Variants in MUC7 observed in about 807,000 individuals in gnomAD.
The protein encoded by MUC7 is mucin-7.
In MUC7, 2 loss-of-function variants were observed where a neutral mutation model predicts 2.5. The ratio of observed to expected loss-of-function variants is 0.81; its 90% CI spans 0.33 to 2.55. MUC7 has a LOEUF of 2.55. Among genes scored for constraint, MUC7 ranks in the 30% most tolerant of loss-of-function variants. MUC7 has a pLI of 0.11. For synonymous variants in MUC7, 133 were observed against 173.4 expected, an observed-to-expected ratio of 0.77 and a Z score of 1.83; for missense variants, 408 against 455.6, an observed-to-expected ratio of 0.90 and a Z score of 0.95.
At position 70,474,018 on chromosome 4, in the gene MUC7, A is replaced by G. The variant is rs1560557396; in HGVS notation, c.-4A>G. 6.2e-7 allele frequency: 1 copy of G among 1,612,122 alleles called. No homozygotes were observed. The highest frequency in any genetic ancestry group is 8.5e-7 in the Non-Finnish European group (1 of 1,178,714). On this transcript the variant is annotated 5_prime_UTR_variant, in exon 2 of 3. Coordinates refer to ENST00000304887, the MANE Select transcript of MUC7 (RefSeq NM_152291.3). ...TCTGCTTTTCCCAGGAGACATCAGA[A>G]AGAATGAAAACTCTGCCGCTGTTTG...
intron 1 of MUC7, among the ~76,000 whole-genome samples, chr4:70,464,353 GT>G (rs1269425201): frequency 2.0e-5 from 3 of 152,236 alleles, no homozygotes; most frequent in East Asian, 3.9e-4. Flanking sequence ...AGCTGCAGAA[GT>G]TTTTTTCATA....
At chr4:70,475,382 G>A (rs192111797) in intron 2 of MUC7, among the ~76,000 whole-genome samples, 2 of 152,204 alleles carry the variant, frequency 1.3e-5, no homozygotes, top group African/African-American at 4.8e-5. Flanking sequence ...AGAAAACAGT[G>A]GATATATGTT....
At chr4:70,453,382 G>T (rs1215540414) in intron 1 of MUC7, among the ~76,000 whole-genome samples, 5 of 152,164 alleles carry the variant, frequency 3.3e-5, no homozygotes, top group Non-Finnish European at 7.3e-5. Flanking sequence ...CTTTTCAAAG[G>T]TGGAGGAGTT....
chr4:70,444,528 G>T (rs12645253), intron 1 of MUC7, among the ~76,000 whole-genome samples: 1 of 152,044 alleles, frequency 6.6e-6, no homozygotes, highest in Non-Finnish European at 1.5e-5. Context: ...GCAGCCACCC[G>T]ATTTGACTCA....
chr4:70,436,153 C>T (rs1733826450), intron 1 of MUC7, among the ~76,000 whole-genome samples: 1 of 152,164 alleles, frequency 6.6e-6, no homozygotes, highest in South Asian at 2.1e-4. Flanking sequence ...TTCATTTCAA[C>T]CTTGGTGAAT....
chr4:70,470,059 A>G (rs1234475550), upstream of MUC7, among the ~76,000 whole-genome samples: 2 of 152,198 alleles, frequency 1.3e-5, no homozygotes, highest in African/African-American at 2.4e-5. Flanking sequence ...AATATACACC[A>G]TGGAATACTA....
In MUC7 at chr4:70,480,738, G is replaced by A. The variant is rs1379126531; in HGVS notation, c.55-61G>A. 15 of 1,551,538 alleles carry A rather than the reference G, an allele frequency of 9.7e-6. No individual in the cohort carries two copies. In the East Asian group the frequency reaches 3.4e-4, roughly 35 times the overall value. ...TACCGCTCATCTCATGGTCAGCAGT[G>A]ATCACCTGATTGATAAATGGATACT... On this transcript the variant is annotated intron_variant, in intron 2 of 2. Transcript: ENST00000304887.
At chr4:70,456,788 C>T (rs1262747125) in intron 1 of MUC7, among the ~76,000 whole-genome samples, 1 of 152,124 alleles carries the variant, frequency 6.6e-6, no homozygotes, top group Non-Finnish European at 1.5e-5. Context: ...AATGTTTGCA[C>T]ATTCAAAGTA....
upstream of MUC7, among the ~76,000 whole-genome samples, chr4:70,470,437 TACTC>T (rs1005197482): frequency 6.6e-6 from 1 of 152,188 alleles, no homozygotes; most frequent in African/African-American, 2.4e-5. Context: ...GCATAAGTGT[TACTC>T]ATTTATTGAA....
chr4:70,433,179 G>A (rs1733726589), intron 1 of MUC7, among the ~76,000 whole-genome samples: 1 of 152,128 alleles, frequency 6.6e-6, no homozygotes, highest in African/African-American at 2.4e-5. Context: ...CTCCAGCTTT[G>A]TTCTTTTTAC....
intron 1 of MUC7, among the ~76,000 whole-genome samples, chr4:70,461,878 G>A (rs1734565873): frequency 6.6e-6 from 1 of 151,856 alleles, no homozygotes. Flanking sequence ...AAACAAGAGG[G>A]ACACAGCTAA....
upstream of MUC7, among the ~76,000 whole-genome samples, chr4:70,470,468 G>T (rs1553919722): frequency 2.0e-5 from 3 of 152,046 alleles, no homozygotes; most frequent in Admixed American, 6.6e-5. Flanking sequence ...AACCTGAAAT[G>T]TACTGGATTC....
intron 1 of MUC7, among the ~76,000 whole-genome samples, chr4:70,432,214 G>A (rs1733686772): frequency 6.6e-6 from 1 of 152,212 alleles, no homozygotes; most frequent in Non-Finnish European, 1.5e-5. Flanking sequence ...GCATACCTGT[G>A]CATGTGTCTT....
chr4:70,456,780 T>A (rs1315302796), intron 1 of MUC7, among the ~76,000 whole-genome samples: 2 of 152,236 alleles, frequency 1.3e-5, no homozygotes, highest in East Asian at 3.8e-4. Context: ...ATGTCAATAA[T>A]GTTTGCACAT....
intron 1 of MUC7, among the ~76,000 whole-genome samples, chr4:70,439,053 A>G (rs1406165404): frequency 6.6e-6 from 1 of 152,238 alleles, no homozygotes; most frequent in East Asian, 1.9e-4. Flanking sequence ...CAAAATAAAG[A>G]AATTGTTTTA....
At chr4:70,450,865 T>TTTA (rs1734262164) in intron 1 of MUC7, among the ~76,000 whole-genome samples, 1 of 152,004 alleles carries the variant, frequency 6.6e-6, no homozygotes, top group Admixed American at 6.6e-5. Flanking sequence ...TCTCCTTAAA[T>TTTA]GGTAAGAAGG....
intron 1 of MUC7, among the ~76,000 whole-genome samples, chr4:70,465,388 A>C (rs538023734): frequency 6.6e-6 from 1 of 152,308 alleles, no homozygotes. Context: ...ACAAAAGTGG[A>C]CAGAGAATGA....
chr4:70,480,706 C>T (rs1303915494), intron 2 of MUC7, 93 bp from the exon 3 acceptor site: 1 of 1,323,472 alleles, frequency 7.6e-7, no homozygotes, highest in African/African-American at 1.5e-5. Flanking sequence ...TCCCAGCATT[C>T]CACAAATACC....
At chr4:70,470,007 C>A (rs1734789683), upstream of MUC7, among the ~76,000 whole-genome samples, 1 of 152,156 alleles carries the variant, frequency 6.6e-6, no homozygotes, top group South Asian at 2.1e-4. Context: ...TGGAACCAAC[C>A]CAAATGCCCA....
Sources: allele counts gnomAD v4.1 joint callset (sites outside exome capture counted in the v4.1 genomes callset), GRCh38; gene constraint gnomAD v4.1.1; transcripts MANE v1.5; gene names NCBI Gene and HGNC (gene_info 2026-07-23, HGNC 2026-07-21).